Variants in PPP2R5C observed in about 807,000 individuals in gnomAD.
The protein encoded by PPP2R5C is serine/threonine-protein phosphatase 2A 56 kDa regulatory subunit gamma isoform.
In PPP2R5C, 7 loss-of-function variants were observed where a neutral mutation model predicts 68.9. That is an observed-to-expected ratio of 0.10 (90% CI 0.06 to 0.19). The LOEUF is 0.19. Ranked by LOEUF, PPP2R5C falls within the 10% of genes least tolerant of loss-of-function variation. PPP2R5C has a pLI of 1.00. For missense variants in PPP2R5C, 348 were observed against 641.3 expected (o/e 0.54, Z 4.94); for synonymous variants, 210 against 222.2 (o/e 0.95, Z 0.49).
Position 101,794,165 on chromosome 14 carries a change from C to T in PPP2R5C, c.259+7982C>T, listed in dbSNP as rs142751014. 1.6e-3 allele frequency among the ~76,000 whole-genome samples: 250 copies of T among 152,324 alleles called. 2 individuals carry two copies. Among genetic ancestry groups the T allele is most frequent in the Middle Eastern group, 0.014 (4 of 294 alleles). On this transcript the variant is annotated intron_variant, in intron 3 of 14. Coordinates refer to the PPP2R5C transcript ENST00000328724. ...TTGAGGCTAGGGCCCTCACAAGGGA[C>T]GTGCCCTCTTCTGCCCAGAACTTCC...
At chr14:101,786,297 T>C in intron 3 of PPP2R5C, 114 bp downstream of exon 3, 2 of 1,030,702 alleles carry the variant, frequency 1.9e-6, no homozygotes, top group Non-Finnish European at 2.7e-6. Flanking sequence ...TGGGGTCATC[T>C]TTTCTGTATT....
exon 14 of PPP2R5C, chr14:101,926,446 T>C (rs1262168285): frequency 6.6e-6 from 1 of 152,662 alleles, no homozygotes; most frequent in African/African-American, 2.4e-5. Context: ...TCCACAGAGT[T>C]CCTTGCATGT....
chr14:101,890,048 C>T (rs934929675), intron 5 of PPP2R5C, 189 bp from the exon 8 acceptor site: 10 of 690,332 alleles, frequency 1.4e-5, no homozygotes, highest in African/African-American at 5.3e-5. Flanking sequence ...TCTCTGCCCT[C>T]GAGGCATTTA....
intron 3 of PPP2R5C, among the ~76,000 whole-genome samples, chr14:101,802,634 A>G (rs1367292720): frequency 6.6e-6 from 1 of 152,186 alleles, no homozygotes; most frequent in African/African-American, 2.4e-5. Context: ...ATTGGACTAC[A>G]TAAAAATTTA....
At chr14:101,924,242 C>A (rs934419441) in intron 13 of PPP2R5C, among the ~76,000 whole-genome samples, 1 of 151,928 alleles carries the variant, frequency 6.6e-6, no homozygotes, top group Non-Finnish European at 1.5e-5. Context: ...CCTTTTATTG[C>A]AGATACAGTT....
At chr14:101,836,435 G>C in intron 1 of PPP2R5C, 1 of 695,704 alleles carries the variant, frequency 1.4e-6, no homozygotes, top group Non-Finnish European at 2.6e-6. Flanking sequence ...ACACACTGTC[G>C]TAGCTGGTTT....
chr14:101,912,901 T>C (rs1016217533), intron 12 of PPP2R5C, among the ~76,000 whole-genome samples: 7 of 152,216 alleles, frequency 4.6e-5, no homozygotes, highest in Non-Finnish European at 8.8e-5. Flanking sequence ...CCTCTTTCTT[T>C]GTATGAGGTT....
chr14:101,761,632 G>A (rs1297652400), upstream of PPP2R5C, among the ~76,000 whole-genome samples: 1 of 132,728 alleles, frequency 7.5e-6, no homozygotes, highest in African/African-American at 2.7e-5. Context: ...GCCGGGGGGT[G>A]GGAGGAGAGG....
rs2046607963 is a variant in PPP2R5C, at chr14:101,915,299, C to G, written c.1327-2532C>G. ...GTTTCACTATGTTGGCCAGGCTGGT[C>G]TCGAACTCCTGACCTTGTGATCTAC... On this transcript the variant is annotated intron_variant, in intron 12 of 13. Coordinates refer to ENST00000334743, the Ensembl canonical transcript of PPP2R5C. This position sits in a 1 kb window ranked among gnomAD's most constrained non-coding sequence, Gnocchi z 4.2. Among the ~76,000 whole-genome samples, 1 of 152,136 alleles carries G rather than the reference C, an allele frequency of 6.6e-6. No individual in the cohort carries two copies. Among genetic ancestry groups the G allele is most frequent in the African/African-American group, 2.4e-5 (1 of 41,422 alleles).
upstream of PPP2R5C, among the ~76,000 whole-genome samples, chr14:101,761,491 G>T (rs1257852970): frequency 2.0e-5 from 3 of 148,932 alleles, no homozygotes; most frequent in Middle Eastern, 3.4e-3. Context: ...GGGTCGCGCG[G>T]AGAGGGTGGG....
At position 101,879,229 on chromosome 14, in the gene PPP2R5C, G is replaced by A; in HGVS notation, c.295-2932G>A. On this transcript the variant is annotated intron_variant, in intron 2 of 13. Coordinates refer to ENST00000334743, the Ensembl canonical transcript of PPP2R5C. This position sits in a 1 kb window ranked among gnomAD's most constrained non-coding sequence, Gnocchi z 4.2. Reference sequence around the variant, plus strand: ...GAGGGGAAGGGCAGCTGCCTGTTCTGCTCAGTTGCTCCCTGTGGCCTCGGC... The same window carrying A: ...GAGGGGAAGGGCAGCTGCCTGTTCTACTCAGTTGCTCCCTGTGGCCTCGGC... 1 of 152,494 alleles carries A rather than the reference G, an allele frequency of 6.6e-6. No individual in the cohort carries two copies. Among genetic ancestry groups the A allele is most frequent in the Non-Finnish European group, 1.5e-5 (1 of 68,180 alleles). 9.4% of individuals were successfully genotyped at this position (152,494 alleles called of 1,614,324 possible).
chr14:101,925,384 C>G (rs1461113702), exon 14 of PPP2R5C: 6 of 1,462,202 alleles, frequency 4.1e-6, no homozygotes, highest in Non-Finnish European at 5.4e-6. Flanking sequence ...TTCTTGGACC[C>G]CGTTCCGTAG....
chr14:101,822,824 G>T (rs1307702613), intron 1 of PPP2R5C, among the ~76,000 whole-genome samples: 1 of 152,072 alleles, frequency 6.6e-6, no homozygotes, highest in Non-Finnish European at 1.5e-5. Context: ...TCACATTTTT[G>T]TGTGAGTTGG....
chr14:101,923,562 G>A (rs1290819025), intron 13 of PPP2R5C, among the ~76,000 whole-genome samples: 2 of 152,068 alleles, frequency 1.3e-5, no homozygotes, highest in African/African-American at 4.8e-5. Flanking sequence ...ATGGGTGAGG[G>A]GACCGTGACC....
intron 2 of PPP2R5C, among the ~76,000 whole-genome samples, chr14:101,863,794 A>T (rs913486929): frequency 2.0e-5 from 3 of 152,188 alleles, no homozygotes; most frequent in Non-Finnish European, 4.4e-5. Flanking sequence ...GCTACTTGGA[A>T]GACTGAGGCA....
intron 1 of PPP2R5C, among the ~76,000 whole-genome samples, chr14:101,827,658 T>C (rs2040477477): frequency 6.6e-6 from 1 of 152,188 alleles, no homozygotes; most frequent in South Asian, 2.1e-4. Context: ...AGATTGAACT[T>C]TTACAGGATG....
intron 1 of PPP2R5C, chr14:101,818,819 A>C: frequency 1.8e-6 from 1 of 548,376 alleles, no homozygotes; most frequent in Non-Finnish European, 3.3e-6. Flanking sequence ...TGGTGTTTTC[A>C]GTAGAATTTG....
upstream of PPP2R5C, among the ~76,000 whole-genome samples, chr14:101,809,406 A>C (rs1002928315): frequency 7.8e-6 from 1 of 128,544 alleles, no homozygotes; most frequent in African/African-American, 3.0e-5. Flanking sequence ...AAAAAAAAAC[A>C]AAAAAAAAAC....
chr14:101,883,057 T>C, intron 3 of PPP2R5C, 200 bp from the exon 6 acceptor site: 1 of 529,768 alleles, frequency 1.9e-6, no homozygotes, highest in South Asian at 2.3e-5. Flanking sequence ...AAGGGTGTAG[T>C]CTGTGGGTTT....
Sources: gnomAD v4.1 joint callset for allele counts (sites outside exome capture counted in the v4.1 genomes callset) on GRCh38, gnomAD v4.1.1 for gene constraint, Gnocchi (gnomAD v3.1) non-coding constraint, MANE v1.5 for transcripts, NCBI Gene and HGNC (gene_info 2026-07-23, HGNC 2026-07-21) for gene names.